The following C12orf42 variants were observed in gnomAD, a reference collection of about 807,000 sequenced individuals.
C12orf42 encodes chromosome 12 open reading frame 42, also known as uncharacterized protein C12orf42.
C12orf42 carries 25 observed loss-of-function variants against 21.6 expected under a neutral mutation model. That is an observed-to-expected ratio of 1.16 (90% CI 0.84 to 1.62). The LOEUF (loss-of-function observed/expected upper bound fraction) is 1.62, where lower values mean the gene tolerates loss of function less well. C12orf42 is among the 40% of genes most tolerant of loss of function. C12orf42 has a pLI of 0.00. For missense variants in C12orf42, 483 were observed against 459.3 expected (o/e 1.05, Z -0.47); for synonymous variants, 174 against 175.0 (o/e 0.99, Z 0.05).
chr12:103,256,052 CAAAAAAAAAAAAAAAA>C (rs1161719991), intron 10 of C12orf42, among the ~76,000 whole-genome samples: 16 of 17,512 alleles, frequency 9.1e-4, no homozygotes, highest in African/African-American at 4.6e-3. Context: ...GACTCTGTCT[CAAAAAAAAAAAAAAAA>C]AAAAAAAAAA....
intron 1 of C12orf42, among the ~76,000 whole-genome samples, chr12:103,483,640 TG>T (rs1954623614): frequency 6.6e-6 from 1 of 152,168 alleles, no homozygotes; most frequent in South Asian, 2.1e-4. Context: ...GTCAGGTTTA[TG>T]TTTTTTTTAT....
chr12:103,421,975 G>A (rs1228980008), intron 2 of C12orf42, among the ~76,000 whole-genome samples: 1 of 152,118 alleles, frequency 6.6e-6, no homozygotes, highest in Non-Finnish European at 1.5e-5. Flanking sequence ...TTTCTAAAAT[G>A]TATTCATTGG....
At chr12:103,525,221 A>T in the C12orf42 span, among the ~76,000 whole-genome samples, 1 of 152,024 alleles carries the variant, frequency 6.6e-6, no homozygotes, top group Non-Finnish European at 1.5e-5. Flanking sequence ...GGCGGGGGGA[A>T]GTCTCACTAT....
the C12orf42 span, among the ~76,000 whole-genome samples, chr12:103,227,626 G>A: frequency 6.6e-6 from 1 of 151,998 alleles, no homozygotes; most frequent in Non-Finnish European, 1.5e-5. Context: ...AGAAGGGGTT[G>A]GGGTACTTGC....
intron 3 of C12orf42, among the ~76,000 whole-genome samples, chr12:103,389,482 A>T (rs2046893777): frequency 6.6e-6 from 1 of 152,162 alleles, no homozygotes; most frequent in Admixed American, 6.5e-5. Flanking sequence ...GCTGCTTTAT[A>T]TTCTCTTTTC....
intron 6 of C12orf42, among the ~76,000 whole-genome samples, chr12:103,269,260 C>A (rs1372804091): frequency 6.6e-6 from 1 of 152,064 alleles, no homozygotes; most frequent in Non-Finnish European, 1.5e-5. Flanking sequence ...GGGAGCTGTT[C>A]AGAGGAAGGA....
At chr12:103,381,595 T>C (rs200735913) in intron 3 of C12orf42, among the ~76,000 whole-genome samples, 2 of 152,178 alleles carry the variant, frequency 1.3e-5, no homozygotes, top group Admixed American at 6.5e-5. Context: ...ACTGCCCAGA[T>C]TGGATCCTGG....
chr12:103,294,450 GA>G (rs1566025307), intron 4 of C12orf42, among the ~76,000 whole-genome samples: 5 of 112,018 alleles, frequency 4.5e-5, no homozygotes, highest in African/African-American at 2.0e-4. Flanking sequence ...AAGAAAGAAA[GA>G]AAGAAAGAAA....
chr12:103,495,566 T>G (rs1955484391), intron 1 of C12orf42, among the ~76,000 whole-genome samples: 1 of 151,536 alleles, frequency 6.6e-6, no homozygotes, highest in South Asian at 2.1e-4. Flanking sequence ...TCGCTGTCAA[T>G]GCATCACCTG....
At chr12:103,435,911 A>G (rs914721986) in intron 2 of C12orf42, among the ~76,000 whole-genome samples, 1 of 149,784 alleles carries the variant, frequency 6.7e-6, no homozygotes, top group Non-Finnish European at 1.5e-5. Flanking sequence ...CGCCACAAAG[A>G]TACTCCTCGA....
rs770582841 is a variant in C12orf42, at chr12:103,302,184, G to A, written c.1007C>T (p.Pro336Leu). The change falls in exon 6 of 6, where the codon CCC becomes CTC. Residue 336 changes from proline to leucine, a missense_variant. Coordinates refer to ENST00000548883, the MANE Select transcript of C12orf42 (RefSeq NM_198521.5). Reference protein sequence around the residue: ...RLIKVCSSAPPRPTRRFHTVC... With the variant: ...RLIKVCSSAPLRPTRRFHTVC... The stretch of plus-strand genomic sequence containing the variant: ...CGTATGGAAACGCCGGGTTGGGCGG[G>A]GGGGTGCTGAGGAGCAAACCTTTAT... 1 of 1,612,808 alleles carries A rather than the reference G, an allele frequency of 6.2e-7. No individual in the cohort carries two copies. The highest frequency in any genetic ancestry group is 1.7e-5 in the Admixed American group (1 of 59,850).
At chr12:103,387,579 C>G (rs1300500059) in intron 3 of C12orf42, among the ~76,000 whole-genome samples, 1 of 152,214 alleles carries the variant, frequency 6.6e-6, no homozygotes, top group Admixed American at 6.5e-5. Context: ...TCCCTCTTGT[C>G]AACCAGGGAT....
chr12:103,150,215 G>A, the C12orf42 span, among the ~76,000 whole-genome samples: 1 of 152,146 alleles, frequency 6.6e-6, no homozygotes, highest in African/African-American at 2.4e-5. Flanking sequence ...ATTTAGTAGA[G>A]AGTATTGAGT....
the C12orf42 span, among the ~76,000 whole-genome samples, chr12:103,108,444 A>ATG: frequency 1.3e-5 from 2 of 151,986 alleles, no homozygotes; most frequent in East Asian, 3.8e-4. Context: ...CCCATCTCCT[A>ATG]TGTGTGTATG....
At chr12:103,489,802 G>A (rs576674789) in intron 1 of C12orf42, among the ~76,000 whole-genome samples, 5 of 152,198 alleles carry the variant, frequency 3.3e-5, no homozygotes, top group Admixed American at 6.5e-5. Flanking sequence ...TAAGACTATC[G>A]GAAAAGTACA....
chr12:103,052,501 T>C, the C12orf42 span, among the ~76,000 whole-genome samples: 5 of 152,106 alleles, frequency 3.3e-5, no homozygotes, highest in South Asian at 1.0e-3. Context: ...AAAGTATTTA[T>C]TCATGATTTA....
the C12orf42 span, among the ~76,000 whole-genome samples, chr12:103,184,404 T>C: frequency 6.6e-6 from 1 of 152,216 alleles, no homozygotes; most frequent in Non-Finnish European, 1.5e-5. Flanking sequence ...TATATCTTTT[T>C]CCATCCTTTT....
the C12orf42 span, among the ~76,000 whole-genome samples, chr12:103,533,825 G>A: frequency 1.1e-3 from 165 of 152,216 alleles, no homozygotes; most frequent in Admixed American, 2.0e-3. Context: ...ACCTTTCAAC[G>A]ATAGCACTTT....
At chr12:103,091,637 T>A in the C12orf42 span, among the ~76,000 whole-genome samples, 1 of 152,222 alleles carries the variant, frequency 6.6e-6, no homozygotes, top group Non-Finnish European at 1.5e-5. Flanking sequence ...GTCAGCCACA[T>A]GTACTATGAT....
Sources: gnomAD v4.1 joint callset for allele counts (sites outside exome capture counted in the v4.1 genomes callset) on GRCh38, gnomAD v4.1.1 for gene constraint, MANE v1.5 for transcripts, NCBI Gene and HGNC (gene_info 2026-07-23, HGNC 2026-07-21) for gene names.